Variants in ZNF236 observed in about 807,000 individuals in gnomAD.
ZNF236 encodes zinc finger protein 236.
ZNF236 carries 50 observed loss-of-function variants against 191.2 expected under a neutral mutation model. The observed-to-expected ratio is 0.26, with a 90% CI of 0.21 to 0.33. The LOEUF (loss-of-function observed/expected upper bound fraction) is 0.33. ZNF236 is among the 10% of genes least tolerant of loss of function. The pLI, the probability that ZNF236 is intolerant of heterozygous loss-of-function variation, is 1.00. For missense variants in ZNF236, 1,754 were observed against 2,374.5 expected, an observed-to-expected ratio of 0.74 and a Z score of 5.43; for synonymous variants, 907 against 928.8, an observed-to-expected ratio of 0.98 and a Z score of 0.43.
chr18:76,964,921 T>G (rs1369617327), intron 30 of ZNF236, among the ~76,000 whole-genome samples: 1 of 152,234 alleles, frequency 6.6e-6, no homozygotes, highest in Non-Finnish European at 1.5e-5. Flanking sequence ...TATTTGGATG[T>G]CTAGGTCTCT....
chr18:76,949,288 T>C (rs1968347468), intron 27 of ZNF236, among the ~76,000 whole-genome samples: 1 of 152,224 alleles, frequency 6.6e-6, no homozygotes, highest in Non-Finnish European at 1.5e-5. Context: ...TTAATATAGG[T>C]AGAAGAATAA....
In ZNF236 at chr18:76,919,855, G is replaced by A. The variant is rs949088817; in HGVS notation, c.3354G>A (p.Thr1118=). 8.1e-6 allele frequency: 13 copies of A among 1,614,204 alleles called. No homozygotes were observed. The highest frequency in any genetic ancestry group is 1.1e-5 in the Non-Finnish European group (13 of 1,180,040). Residue 1118 remains threonine (T), a synonymous_variant, in exon 20 of 31, where the codon ACG becomes ACA. Coordinates refer to ENST00000320610, the MANE Select transcript of ZNF236 (RefSeq NM_001306089.2). The surrounding 1 kb of genome is among the most constrained non-coding windows in gnomAD (Gnocchi z 5.3). ...CTCGTCCTGAGGTCATCACTTTCAC[G>A]GAGGAGGAGACAGCCCAGTTAGCCA... ...RKSRPEVITF[T]EEETAQLAKI...
chr18:76,838,739 T>C (rs2122441481), intron 1 of ZNF236, among the ~76,000 whole-genome samples: 1 of 152,340 alleles, frequency 6.6e-6, no homozygotes, highest in East Asian at 1.9e-4. Context: ...TAAACTATAT[T>C]GATATATAAC....
intron 28 of ZNF236, 94 bp downstream of exon 28, chr18:76,956,276 G>T (rs1027828312): frequency 6.3e-5 from 92 of 1,458,686 alleles, no homozygotes; most frequent in Non-Finnish European, 8.1e-5. Context: ...TCTGGCATGT[G>T]TTTTTGAGGA....
In ZNF236 at chr18:76,969,100, G is replaced by C; in HGVS notation, c.*761G>C. 1 of 547,948 alleles carries C rather than the reference G, an allele frequency of 1.8e-6. No homozygotes were observed. Among genetic ancestry groups the C allele is most frequent in the African/African-American group, 2.0e-5 (1 of 48,954 alleles). The allele number at this position is 547,948 out of a possible 1,614,324, so 33.9% of individuals were successfully genotyped here. ...GGGTTACATAATTGCAGAAGCACAA[G>C]CCATACATCGCAGGTAGGAAACCAC... is the stretch of plus-strand genomic sequence containing the variant. On this transcript the variant is annotated 3_prime_UTR_variant, in exon 31 of 31. Transcript: ENST00000320610.
chr18:76,958,251 C>T (rs1161578529), intron 28 of ZNF236, among the ~76,000 whole-genome samples: 1 of 152,182 alleles, frequency 6.6e-6, no homozygotes, highest in Non-Finnish European at 1.5e-5. Context: ...GGAACATTTG[C>T]CATTGTCTCA....
intron 3 of ZNF236, among the ~76,000 whole-genome samples, chr18:76,857,809 G>A (rs905019867): frequency 6.6e-6 from 1 of 152,072 alleles, no homozygotes; most frequent in Non-Finnish European, 1.5e-5. Context: ...GTGAAATTTA[G>A]AATTTTATAT....
chr18:76,920,867 G>T (rs1176108160), intron 20 of ZNF236, among the ~76,000 whole-genome samples: 2 of 152,196 alleles, frequency 1.3e-5, no homozygotes, highest in Non-Finnish European at 1.5e-5. Flanking sequence ...AACAGAAGGG[G>T]CTCTCAGAAT....
In ZNF236 at chr18:76,875,431, C is replaced by A; in HGVS notation, c.668-61C>A. On this transcript the variant is annotated intron_variant, in intron 5 of 30. Transcript: ENST00000320610. The surrounding 1 kb of genome is among the most constrained non-coding windows in gnomAD (Gnocchi z 4.3). ...TGGGTAACTTCAGTGTTGTTCTTTT[C>A]AATCCGTAAGATGCCCATACAATAT... 1 of 1,401,646 alleles carries A rather than the reference C, an allele frequency of 7.1e-7. No individual in the cohort carries two copies. The highest frequency in any genetic ancestry group is 9.4e-7 in the Non-Finnish European group (1 of 1,064,756). The allele number at this position is 1,401,646 out of a possible 1,614,324, so 86.8% of individuals were successfully genotyped here.
At chr18:76,928,132 C>G (rs758194634) in intron 25 of ZNF236, 26 bp downstream of exon 25, 22 of 1,581,002 alleles carry the variant, frequency 1.4e-5, no homozygotes, top group Admixed American at 1.1e-4. Flanking sequence ...TTTTAAACAT[C>G]TTTTCACCCT....
chr18:76,863,169 A>G (rs1199648234), intron 3 of ZNF236, among the ~76,000 whole-genome samples: 1 of 152,208 alleles, frequency 6.6e-6, no homozygotes, highest in African/African-American at 2.4e-5. Context: ...GCAACAGAGA[A>G]GAAATAGAAA....
At chr18:76,851,419 C>T (rs1181918208) in intron 2 of ZNF236, among the ~76,000 whole-genome samples, 1 of 152,104 alleles carries the variant, frequency 6.6e-6, no homozygotes, top group African/African-American at 2.4e-5. Context: ...GCGTGAGCCA[C>T]CGTGCCTGGG....
intron 30 of ZNF236, among the ~76,000 whole-genome samples, chr18:76,964,309 A>G (rs1332679800): frequency 2.6e-5 from 4 of 151,988 alleles, no homozygotes; most frequent in East Asian, 3.9e-4. Context: ...TCTTGATTTC[A>G]TTTTTCACCC....
Position 76,928,629 on chromosome 18 carries a change from T to C in ZNF236, c.4594+523T>C, listed in dbSNP as rs545586295. On this transcript the variant is annotated intron_variant, in intron 25 of 30. Transcript: ENST00000320610. ...ACCTAAAACTGGCAATCTAATTCTC[T>C]CTGCCAGTCACCAGGCTGACTCATT... Among the ~76,000 whole-genome samples, 3 of 152,276 alleles carry C rather than the reference T, an allele frequency of 2.0e-5. No individual in the cohort carries two copies. The South Asian group carries it at 6.2e-4, about 32-fold the overall frequency.
intron 30 of ZNF236, among the ~76,000 whole-genome samples, chr18:76,964,972 A>G (rs2122977577): frequency 6.6e-6 from 1 of 152,224 alleles, no homozygotes; most frequent in East Asian, 1.9e-4. Context: ...TCCCCCAGAT[A>G]TGTTTTCCAA....
rs377423374 is a variant in ZNF236 at position 76,871,684 on chromosome 18, C to T, written c.543-17C>T. ...GAGACATCTTACTGTGTATTTTGCC[C>T]CCCTTTATTACACTAGGGTATCAAG... On this transcript the variant is annotated splice_polypyrimidine_tract_variant and intron_variant, in intron 4 of 30. Coordinates refer to ENST00000320610, the MANE Select transcript of ZNF236 (RefSeq NM_001306089.2). 3.3e-5 allele frequency: 54 copies of T among 1,613,570 alleles called. No individual in the cohort carries two copies. In the Middle Eastern group the frequency reaches 9.9e-4, roughly 30 times the overall value.
At chr18:76,846,216 T>C (rs1975676157) in intron 1 of ZNF236, among the ~76,000 whole-genome samples, 1 of 151,354 alleles carries the variant, frequency 6.6e-6, no homozygotes, top group African/African-American at 2.4e-5. Flanking sequence ...CCTTCCAAAG[T>C]GCTGGCATTA....
Position 76,912,336 on chromosome 18 carries a change from G to T in ZNF236, c.2898G>T (p.Arg966Ser). The T allele has an allele frequency of 6.2e-7, 1 of 1,613,792 alleles. No individual in the cohort carries two copies. ...TGGAGGACAACGAGGACCAGAGCAG[G>T]CGCTCTTACAGGTAGTTGTCTGCAC... ...QFLEDNEDQSRRSYRCDYCNK... is the reference protein window; with the variant it reads ...QFLEDNEDQSSRSYRCDYCNK... The change falls in exon 17 of 31, where the codon AGG becomes AGT. Residue 966 changes from arginine to serine, a missense_variant. Transcript: ENST00000320610.
chr18:76,857,977 G>A (rs962711352), intron 3 of ZNF236, among the ~76,000 whole-genome samples: 26 of 152,264 alleles, frequency 1.7e-4, no homozygotes, highest in African/African-American at 6.0e-4. Context: ...CGTTTCTTAA[G>A]TATTTTAAGA....
Sources: gnomAD v4.1 joint callset for allele counts (sites outside exome capture counted in the v4.1 genomes callset) on GRCh38, gnomAD v4.1.1 for gene constraint, Gnocchi (gnomAD v3.1) non-coding constraint, MANE v1.5 for transcripts, NCBI Gene and HGNC (gene_info 2026-07-23, HGNC 2026-07-21) for gene names.